Variants in SLC39A10 observed in about 807,000 individuals in gnomAD.
SLC39A10 encodes the protein solute carrier family 39 member 10.
A neutral mutation model predicts 65.1 loss-of-function variants in SLC39A10; 13 were observed. That is an observed-to-expected ratio of 0.20 (90% CI 0.13 to 0.32). The LOEUF (loss-of-function observed/expected upper bound fraction) is 0.32, where lower values mean the gene tolerates loss of function less well. Among genes scored for constraint, SLC39A10 ranks in the 10% least tolerant of loss-of-function variants. The pLI, the probability that SLC39A10 is intolerant of heterozygous loss-of-function variation, is 1.00. For missense variants in SLC39A10, 831 were observed against 1,018.4 expected (o/e 0.82, Z 2.50); for synonymous variants, 321 against 342.2 (o/e 0.94, Z 0.68).
rs530257995 is a variant in SLC39A10 at position 195,617,390 on chromosome 2, G to A, written c.-12+11157G>A. Among the ~76,000 whole-genome samples the A allele has an allele frequency of 1.3e-4, 20 of 152,046 alleles. 1 individual carries two copies. Among genetic ancestry groups the A allele is most frequent in the Admixed American group, 6.5e-4 (10 of 15,278 alleles). On this transcript the variant is annotated intron_variant, in intron 2 of 2. Transcript: ENST00000458054. ...AGCCTGGCCAATATGGTGAAACCCC[G>A]TCTCTACTAAAAACAGAAAAAATTA...
At position 195,716,938 on chromosome 2, in the gene SLC39A10, A is replaced by G. The variant is rs1418172040; in HGVS notation, c.1998A>G (p.Ile666Met). 6.2e-7 allele frequency: 1 copy of G among 1,614,236 alleles called. No individual in the cohort carries two copies. Among genetic ancestry groups the G allele is most frequent in the Admixed American group, 1.7e-5 (1 of 60,034 alleles). The change falls in exon 7 of 10, where the codon ATA becomes ATG. Residue 666 changes from isoleucine to methionine, a missense_variant. By Grantham distance (10) the Ile-to-Met change is conservative. Transcript: ENST00000359634. ...HSGSDLKETGIANIAWMVIMG... is the reference protein window; with the variant it reads ...HSGSDLKETGMANIAWMVIMG... ...GATCCGATCTGAAAGAAACAGGAAT[A>G]GCTAATATAGCCTGGATGGTGATCA...
chr2:195,684,264 G>T (rs1019755231), intron 3 of SLC39A10, among the ~76,000 whole-genome samples: 8 of 151,882 alleles, frequency 5.3e-5, no homozygotes, highest in Admixed American at 4.6e-4. Context: ...CATTTATCAG[G>T]GTGCCTCTGT....
chr2:195,674,235 T>TCGG (rs1559027091), intron 1 of SLC39A10, among the ~76,000 whole-genome samples: 4 of 152,190 alleles, frequency 2.6e-5, no homozygotes, highest in African/African-American at 4.8e-5. Context: ...GCATTTAGGT[T>TCGG]GTAGCAGGCA....
rs143192786 is a variant in SLC39A10, at chr2:195,713,081, T to G, written c.1576-352T>G. Among the ~76,000 whole-genome samples the G allele has an allele frequency of 5.4e-3, 826 of 152,300 alleles. 7 individuals are homozygous for G. Among genetic ancestry groups the G allele is most frequent in the South Asian group, 0.021 (101 of 4,822 alleles). ...AAATGTGAATGAAATTCAAACAAGC[T>G]TTAGTTTTTTGGAACTTTCTGTTAC... On this transcript the variant is annotated intron_variant, in intron 5 of 9. Coordinates refer to ENST00000359634, the MANE Select transcript of SLC39A10 (RefSeq NM_020342.3).
At chr2:195,718,521 T>C (rs539911557) in intron 8 of SLC39A10, among the ~76,000 whole-genome samples, 189 bp downstream of exon 8, 4 of 152,338 alleles carry the variant, frequency 2.6e-5, no homozygotes, top group African/African-American at 9.6e-5. Flanking sequence ...TGATGAAATG[T>C]TCATTTCTGT....
chr2:195,670,059 T>C (rs963028350), intron 1 of SLC39A10, among the ~76,000 whole-genome samples: 6 of 152,078 alleles, frequency 3.9e-5, no homozygotes, highest in Non-Finnish European at 7.3e-5. Flanking sequence ...CTCGGGAGGC[T>C]GAGGCAGGAG....
chr2:195,623,108 G>A (rs571224967), intron 2 of SLC39A10, among the ~76,000 whole-genome samples: 49 of 151,982 alleles, frequency 3.2e-4, no homozygotes, highest in Non-Finnish European at 6.2e-4. Context: ...GGCTAAGTCA[G>A]CTAAGCCTAG....
intron 8 of SLC39A10, among the ~76,000 whole-genome samples, chr2:195,719,631 T>TC (rs1691949002): frequency 6.6e-6 from 1 of 151,626 alleles, no homozygotes; most frequent in African/African-American, 2.4e-5. Context: ...TTTTTTTTTT[T>TC]CTTTGAGACA....
intron 1 of SLC39A10, among the ~76,000 whole-genome samples, chr2:195,660,318 G>A (rs1689339089): frequency 6.6e-6 from 1 of 152,098 alleles, no homozygotes; most frequent in South Asian, 2.1e-4. Context: ...GTACACAATG[G>A]GAAATGGAAG....
chr2:195,729,073 A>G (rs949962032), intron 9 of SLC39A10, among the ~76,000 whole-genome samples: 1 of 151,902 alleles, frequency 6.6e-6, no homozygotes, highest in African/African-American at 2.4e-5. Context: ...CCTGGGCTCA[A>G]GCAATCCTCC....
At chr2:195,667,224 T>C (rs763680660) in intron 1 of SLC39A10, among the ~76,000 whole-genome samples, 2 of 151,618 alleles carry the variant, frequency 1.3e-5, no homozygotes, top group African/African-American at 2.4e-5. Context: ...ATTTATTTAT[T>C]GGAAGAGTTG....
At position 195,639,717 on chromosome 2, in the gene SLC39A10, C is replaced by T. The variant is rs549727304; in HGVS notation, c.-12+33484C>T. ...TCAACCTCCCGAGTAGCTGGGATTA[C>T]AGGCGAGTGCCACCACACCCGGCTA... On this transcript the variant is annotated intron_variant, in intron 2 of 2. Transcript: ENST00000458054. Among the ~76,000 whole-genome samples the T allele has an allele frequency of 8.5e-5, 13 of 152,286 alleles. No homozygotes were observed. In the East Asian group the frequency reaches 1.2e-3, roughly 14 times the overall value.
rs981624607 is a variant in SLC39A10, at chr2:195,736,101, G to T, written c.*1060G>T. ...AATGTGTACATGAAGTGTCAATTTA[G>T]AACAGTTACTAGGATAAACTCCATT... On this transcript the variant is annotated 3_prime_UTR_variant, in exon 10 of 10. Coordinates refer to ENST00000359634, the MANE Select transcript of SLC39A10 (RefSeq NM_020342.3). 34 of 152,540 alleles carry T rather than the reference G, an allele frequency of 2.2e-4. No homozygotes were observed. The highest frequency in any genetic ancestry group is 8.2e-4 in the African/African-American group (34 of 41,412). The allele number at this position is 152,540 out of a possible 1,614,324, so 9.4% of individuals were successfully genotyped here.
Position 195,637,606 on chromosome 2 carries a change from G to A in SLC39A10, c.-12+31373G>A, listed in dbSNP as rs557267040. ...ATGGTGGTCAAGAAAACAGTAATGGGTATATGTACAGCTCCTGTTGGAAGA... is the reference window on the plus strand; with the variant it reads ...ATGGTGGTCAAGAAAACAGTAATGGATATATGTACAGCTCCTGTTGGAAGA... On this transcript the variant is annotated intron_variant, in intron 2 of 2. Coordinates refer to the SLC39A10 transcript ENST00000458054. Among the ~76,000 whole-genome samples, 135 of 152,326 alleles carry A rather than the reference G, an allele frequency of 8.9e-4. 2 individuals are homozygous for A. The highest frequency in any genetic ancestry group is 3.2e-3 in the African/African-American group (131 of 41,582).
intron 1 of SLC39A10, among the ~76,000 whole-genome samples, chr2:195,678,708 G>T (rs1323965185): frequency 6.6e-6 from 1 of 151,892 alleles, no homozygotes; most frequent in Non-Finnish European, 1.5e-5. Flanking sequence ...ACAGTAGCCA[G>T]TAGCCACACG....
At position 195,680,644 on chromosome 2, in the gene SLC39A10, T is replaced by G; in HGVS notation, c.602T>G (p.Ile201Ser). The change falls in exon 2 of 10, where the codon ATT becomes AGT. Residue 201 changes from isoleucine to serine, a missense_variant. Physicochemically the swap from Ile to Ser is moderately radical, Grantham distance 142 (BLOSUM62 -2). Around this residue, in one of 4 missense-constraint regions of SLC39A10, gnomAD observed 446 missense variants for 499.2 expected, o/e 0.89. Coordinates refer to ENST00000359634, the MANE Select transcript of SLC39A10 (RefSeq NM_020342.3). ...NNTHHFHNDS[I>S]TPSERGEPSN... Reference sequence around the variant, plus strand: ...ACTCACCATTTTCATAATGATTCCATTACTCCCAGTGAGCGTGGGGAGCCT... The same window carrying G: ...ACTCACCATTTTCATAATGATTCCAGTACTCCCAGTGAGCGTGGGGAGCCT... 5 of 1,614,024 alleles carry G rather than the reference T, an allele frequency of 3.1e-6. No individual in the cohort carries two copies. The highest frequency in any genetic ancestry group is 4.2e-6 in the Non-Finnish European group (5 of 1,180,008).
At position 195,737,482 on chromosome 2, in the gene SLC39A10, A is replaced by AAGTCAGTC. The variant is rs3049428; in HGVS notation, c.*2448_*2449insCAGTCAGT. 1 of 161,140 alleles carries AAGTCAGTC rather than the reference A, an allele frequency of 6.2e-6. No homozygotes were observed. The highest frequency in any genetic ancestry group is 2.4e-5 in the African/African-American group (1 of 41,476). The allele number at this position is 161,140 out of a possible 1,614,324, so 10.0% of individuals were successfully genotyped here. ...GAATTTTTTCCATTAACAAACAAAC[A>AAGTCAGTC]AGTCAGTGGCTTAAATGTGATTATG... On this transcript the variant is annotated 3_prime_UTR_variant, in exon 10 of 10. Transcript: ENST00000359634.
intron 2 of SLC39A10, among the ~76,000 whole-genome samples, chr2:195,650,835 C>T (rs1689015219): frequency 1.3e-5 from 2 of 151,880 alleles, no homozygotes; most frequent in South Asian, 2.1e-4. Context: ...TCCCTGCCTT[C>T]GTGTGCCCAT....
At chr2:195,667,167 A>G (rs1689666633) in intron 1 of SLC39A10, among the ~76,000 whole-genome samples, 1 of 152,242 alleles carries the variant, frequency 6.6e-6, no homozygotes, top group African/African-American at 2.4e-5. Flanking sequence ...AACTTTTTAC[A>G]TGAATGAATC....
Sources: gnomAD v4.1 joint callset for allele counts (sites outside exome capture counted in the v4.1 genomes callset) on GRCh38, gnomAD v4.1.1 for gene constraint, gnomAD v4.1.1 regional missense constraint, MANE v1.5 for transcripts, NCBI Gene and HGNC (gene_info 2026-07-23, HGNC 2026-07-21) for gene names.